NTM: variants seen among roughly 807,000 people sequenced by gnomAD.
NTM encodes neurotrimin, also known as IgLON family member 2.
NTM carries 13 observed loss-of-function variants against 42.1 expected under a neutral mutation model. That is an observed-to-expected ratio of 0.31 (90% CI 0.20 to 0.49). The LOEUF (loss-of-function observed/expected upper bound fraction) is 0.49, where lower values mean the gene tolerates loss of function less well. Ranked by LOEUF, NTM falls within the 20% of genes least tolerant of loss-of-function variation. The pLI is 0.99. For synonymous variants in NTM, 187 were observed against 179.2 expected (o/e 1.04, Z -0.35); for missense variants, 373 against 452.8 (o/e 0.82, Z 1.60).
At chr11:132,116,562 C>T (rs1316674915) in intron 2 of NTM, among the ~76,000 whole-genome samples, 1 of 152,192 alleles carries the variant, frequency 6.6e-6, no homozygotes, top group Non-Finnish European at 1.5e-5. Flanking sequence ...TACTTAACCA[C>T]CCTCATAGTA....
chr11:131,974,724 AT>A (rs879629423), intron 2 of NTM, among the ~76,000 whole-genome samples: 61 of 151,676 alleles, frequency 4.0e-4, no homozygotes, highest in African/African-American at 1.2e-3. Context: ...CTTGAAAAAT[AT>A]TTTTTTTTCT....
intron 1 of NTM, among the ~76,000 whole-genome samples, chr11:131,699,985 C>T (rs975778756): frequency 6.7e-6 from 1 of 149,810 alleles, no homozygotes; most frequent in Non-Finnish European, 1.5e-5. Flanking sequence ...TGAACTAGAC[C>T]ACTGCTCTTG....
intron 2 of NTM, among the ~76,000 whole-genome samples, chr11:132,104,140 G>A (rs1214248501): frequency 2.6e-5 from 4 of 152,156 alleles, no homozygotes; most frequent in Non-Finnish European, 2.9e-5. Flanking sequence ...GGATGTGTTT[G>A]TTGCACTAGA....
intron 5 of NTM, among the ~76,000 whole-genome samples, chr11:132,309,150 T>C (rs73601207): frequency 0.021 from 3,193 of 152,320 alleles, 101 homozygotes; most frequent in African/African-American, 0.072. Context: ...AGCAACATCA[T>C]GTACAATATT....
chr11:132,011,129 T>C (rs143042469), intron 2 of NTM, among the ~76,000 whole-genome samples: 9 of 152,092 alleles, frequency 5.9e-5, no homozygotes, highest in East Asian at 1.9e-4. Flanking sequence ...AACAATTAGG[T>C]CTACAATTTG....
In NTM at chr11:131,612,017, G is replaced by A. The variant is rs141862818; in HGVS notation, c.82+241129G>A. Among the ~76,000 whole-genome samples, 72 of 152,236 alleles carry A rather than the reference G, an allele frequency of 4.7e-4. 1 individual carries two copies. Among genetic ancestry groups the A allele is most frequent in the African/African-American group, 1.6e-3 (68 of 41,532 alleles). On this transcript the variant is annotated intron_variant, in intron 1 of 8. Transcript: ENST00000683400. Reference sequence around the variant, plus strand: ...ATAATAGAAAATGGCAGAGGTGATGGCATGTGACTTCAGAGACCAGGTCAT... The same window carrying A: ...ATAATAGAAAATGGCAGAGGTGATGACATGTGACTTCAGAGACCAGGTCAT...
At chr11:132,183,902 T>C (rs951668260) in intron 3 of NTM, among the ~76,000 whole-genome samples, 4 of 151,932 alleles carry the variant, frequency 2.6e-5, no homozygotes, top group African/African-American at 9.7e-5. Flanking sequence ...TTAATGGTGA[T>C]TGCAAATTTG....
intron 1 of NTM, chr11:131,537,445 GGCTGACAGA>G (rs1188171497): frequency 1.3e-5 from 2 of 152,172 alleles, no homozygotes; most frequent in Non-Finnish European, 2.9e-5. Context: ...GTGCGTCCGG[GGCTGACAGA>G]GCCGCTAAAC....
chr11:131,880,716 C>T (rs765485548), intron 1 of NTM, among the ~76,000 whole-genome samples: 4 of 152,172 alleles, frequency 2.6e-5, no homozygotes, highest in Non-Finnish European at 5.9e-5. Flanking sequence ...CTCCGGCGTT[C>T]AATTTATAGC....
rs78808939 is a variant in NTM at position 132,060,451 on chromosome 11, T to C, written c.168-85831T>C. ...GCTATGAACAGAGGTTGTATCCACA[T>C]TTAATGGAACATAGCAGTGAGAGAA... On this transcript the variant is annotated intron_variant, in intron 2 of 8. Transcript: ENST00000683400. Among the ~76,000 whole-genome samples the C allele has an allele frequency of 7.2e-3, 943 of 131,086 alleles. 11 individuals carry two copies. Among genetic ancestry groups the C allele is most frequent in the African/African-American group, 0.021 (834 of 39,988 alleles). 86.0% of individuals were successfully genotyped at this position (131,086 alleles called of 152,430 possible). A position where few individuals can be genotyped will look rare whatever the true frequency, so the allele number is the denominator to read the frequency against.
chr11:131,412,240 C>T (rs1946500121), intron 1 of NTM, among the ~76,000 whole-genome samples: 1 of 152,082 alleles, frequency 6.6e-6, no homozygotes, highest in Non-Finnish European at 1.5e-5. Flanking sequence ...CCTGTAAGTT[C>T]TCATCATGAA....
intron 2 of NTM, among the ~76,000 whole-genome samples, chr11:132,118,166 T>A (rs1332256975): frequency 1.3e-5 from 2 of 152,232 alleles, no homozygotes; most frequent in Admixed American, 1.3e-4. Flanking sequence ...ATTTCTTTAG[T>A]ATTTTAAAAG....
intron 1 of NTM, among the ~76,000 whole-genome samples, chr11:131,647,808 T>C (rs59917948): frequency 0.021 from 3,133 of 152,262 alleles, 115 homozygotes; most frequent in African/African-American, 0.07. Context: ...AATGTATGTG[T>C]ACTTTATAGA....
chr11:132,167,716 T>G (rs74991861), intron 3 of NTM, among the ~76,000 whole-genome samples: 3,070 of 152,284 alleles, frequency 0.02, 83 homozygotes, highest in African/African-American at 0.065. Flanking sequence ...TAGTAGTCAT[T>G]CATAGTTCCA....
At chr11:131,473,623 C>T (rs11222662) in intron 1 of NTM, among the ~76,000 whole-genome samples, 8,475 of 152,188 alleles carry the variant, frequency 0.056, 543 homozygotes, top group East Asian at 0.19. Flanking sequence ...AGCTTGGAAG[C>T]ATAACTGAGC....
At chr11:131,765,589 G>A (rs898011590) in intron 1 of NTM, among the ~76,000 whole-genome samples, 17 of 152,132 alleles carry the variant, frequency 1.1e-4, no homozygotes, top group Admixed American at 6.5e-5. Flanking sequence ...CTTATCTCAT[G>A]TATAACATGG....
chr11:132,103,146 G>A (rs543762661), intron 2 of NTM, among the ~76,000 whole-genome samples: 7 of 152,204 alleles, frequency 4.6e-5, no homozygotes, highest in East Asian at 3.9e-4. Context: ...CCGCCTGGGC[G>A]CACACAGGCG....
chr11:131,533,952 CGTGTATT>C (rs1591965028), intron 1 of NTM: 1 of 152,286 alleles, frequency 6.6e-6, no homozygotes, highest in Admixed American at 6.5e-5. Context: ...TCCAGGGACG[CGTGTATT>C]TCTCCGTTCA....
chr11:132,209,045 A>G (rs1418133988), intron 3 of NTM, among the ~76,000 whole-genome samples: 1 of 152,030 alleles, frequency 6.6e-6, no homozygotes, highest in Non-Finnish European at 1.5e-5. Context: ...GGGGTGGGGG[A>G]AGGAGGTGGC....
Sources: gnomAD v4.1 joint callset for allele counts (sites outside exome capture counted in the v4.1 genomes callset) on GRCh38, gnomAD v4.1.1 for gene constraint, MANE v1.5 for transcripts, NCBI Gene and HGNC (gene_info 2026-07-23, HGNC 2026-07-21) for gene names.